The following DPYSL5 variants were observed in gnomAD, a reference collection of about 807,000 sequenced individuals.
The protein encoded by DPYSL5 is dihydropyrimidinase like 5, also known as dihydropyrimidinase-related protein 5.
In DPYSL5, 9 loss-of-function variants were observed where a neutral mutation model predicts 58.4. The observed-to-expected ratio is 0.15, with a 90% confidence interval of 0.09 to 0.27. The LOEUF is 0.27. Ranked by LOEUF, DPYSL5 falls within the 10% of genes least tolerant of loss-of-function variation. The pLI is 1.00. For missense variants in DPYSL5, 499 were observed against 770.6 expected (o/e 0.65, Z 4.17); for synonymous variants, 293 against 301.9 (o/e 0.97, Z 0.31).
intron 1 of DPYSL5, among the ~76,000 whole-genome samples, chr2:26,853,449 G>A (rs369566920): frequency 7.2e-5 from 11 of 152,274 alleles, no homozygotes; most frequent in African/African-American, 2.6e-4. Context: ...TTAGGTTACT[G>A]TTATTATCCT....
At chr2:26,866,424 A>G (rs1666141248) in intron 1 of DPYSL5, among the ~76,000 whole-genome samples, 1 of 152,066 alleles carries the variant, frequency 6.6e-6, no homozygotes, top group Non-Finnish European at 1.5e-5. Context: ...TAAAATAGCC[A>G]CCATTAGCAG....
chr2:26,927,197 G>A lies in DPYSL5; in HGVS notation c.421-56G>A. On this transcript the variant is annotated intron_variant, in intron 3 of 12. Coordinates refer to ENST00000288699, the MANE Select transcript of DPYSL5 (RefSeq NM_020134.4). The surrounding 1 kb of genome is among the most constrained non-coding windows in gnomAD (Gnocchi z 4.3). ...CCCCATGCTGGGCCGGTGCCTGCCA[G>A]TCGGCCTCTTGGGTGTCTGCCCTCA... 1 of 1,545,248 alleles carries A rather than the reference G, an allele frequency of 6.5e-7. No individual in the cohort carries two copies. The highest frequency in any genetic ancestry group is 2.3e-5 in the East Asian group (1 of 42,656).
chr2:26,940,175 A>G lies in DPYSL5; in HGVS notation c.1089+3A>G. On this transcript the variant is annotated splice_donor_region_variant and intron_variant, in intron 9 of 12. Coordinates refer to ENST00000288699, the MANE Select transcript of DPYSL5 (RefSeq NM_020134.4). The stretch of plus-strand genomic sequence containing the variant: ...GCGTCATCTGGGAGAGAGGAGTGGT[A>G]TGTTTCCTAGAGCCCCGCCCCGATC... 2 of 1,613,872 alleles carry G rather than the reference A, an allele frequency of 1.2e-6. No individual in the cohort carries two copies. The highest frequency in any genetic ancestry group is 1.7e-5 in the Admixed American group (1 of 60,008).
chr2:26,923,734 C>G (rs1291055775), intron 2 of DPYSL5, among the ~76,000 whole-genome samples: 1 of 152,154 alleles, frequency 6.6e-6, no homozygotes, highest in African/African-American at 2.4e-5. Context: ...ATTCTTGGCT[C>G]ACTGCGACCT....
intron 5 of DPYSL5, 90 bp downstream of exon 5, chr2:26,928,413 T>C (rs1027770678): frequency 7.0e-7 from 1 of 1,423,940 alleles, no homozygotes; most frequent in African/African-American, 1.4e-5. Flanking sequence ...ACATACAAAT[T>C]AGCCAGGCAC....
intron 1 of DPYSL5, among the ~76,000 whole-genome samples, chr2:26,883,793 A>G (rs942877669): frequency 7.2e-5 from 11 of 152,344 alleles, no homozygotes; most frequent in Non-Finnish European, 7.3e-5. Flanking sequence ...TTTTCAGCTT[A>G]AAAGAGAAGA....
chr2:26,913,722 C>T (rs1664495262), intron 2 of DPYSL5, among the ~76,000 whole-genome samples: 1 of 152,128 alleles, frequency 6.6e-6, no homozygotes, highest in African/African-American at 2.4e-5. Context: ...GAGCTAATGC[C>T]ACAGTGGCCT....
intron 12 of DPYSL5, among the ~76,000 whole-genome samples, chr2:26,945,338 A>G (rs181371005): frequency 1.4e-4 from 20 of 144,338 alleles, no homozygotes; most frequent in African/African-American, 5.1e-4. Flanking sequence ...TGTATTGTAT[A>G]TATTTTATTA....
intron 1 of DPYSL5, among the ~76,000 whole-genome samples, chr2:26,881,151 C>T (rs1663550155): frequency 1.3e-5 from 2 of 152,134 alleles, no homozygotes; most frequent in Non-Finnish European, 2.9e-5. Context: ...ACTGCCCTCA[C>T]CTGTGCTCAC....
Position 26,942,549 on chromosome 2 carries a change from C to T in DPYSL5, c.1239C>T (p.Ile413=), listed in dbSNP as rs1408743942. The T allele has an allele frequency of 1.2e-6, 2 of 1,614,008 alleles. No homozygotes were observed. The highest frequency in any genetic ancestry group is 2.2e-5 in the South Asian group (2 of 91,022). The change falls in exon 11 of 13, where the codon ATC becomes ATT. Residue 413 remains isoleucine, a synonymous_variant. Coordinates refer to ENST00000288699, the MANE Select transcript of DPYSL5 (RefSeq NM_020134.4). The surrounding 1 kb of genome is among the most constrained non-coding windows in gnomAD (Gnocchi z 5.9). The part of the protein sequence containing the change: ...VVWDPEATKT[I]SASTQVQGGD... Reference sequence around the variant, plus strand: ...GCCATTGCCTCCCCACCAGGACCATCTCAGCCAGCACGCAGGTCCAGGGAG... The same window carrying T: ...GCCATTGCCTCCCCACCAGGACCATTTCAGCCAGCACGCAGGTCCAGGGAG...
chr2:26,861,691 C>G (rs1041225538), intron 1 of DPYSL5, among the ~76,000 whole-genome samples: 1 of 152,142 alleles, frequency 6.6e-6, no homozygotes, highest in African/African-American at 2.4e-5. Context: ...GTTTCAATTA[C>G]TTGTGGACAT....
intron 5 of DPYSL5, among the ~76,000 whole-genome samples, chr2:26,929,913 G>A (rs1046543523): frequency 6.6e-6 from 1 of 152,210 alleles, no homozygotes; most frequent in Non-Finnish European, 1.5e-5. Flanking sequence ...ATTCTCTACT[G>A]TTTTAGAAGA....
intron 2 of DPYSL5, among the ~76,000 whole-genome samples, chr2:26,920,871 C>G (rs1209632728): frequency 6.6e-6 from 1 of 152,192 alleles, no homozygotes; most frequent in Non-Finnish European, 1.5e-5. Flanking sequence ...TGAATCAAGT[C>G]TTTTTCACTC....
chr2:26,861,392 G>A (rs1314987278), intron 1 of DPYSL5, among the ~76,000 whole-genome samples: 1 of 152,212 alleles, frequency 6.6e-6, no homozygotes, highest in Non-Finnish European at 1.5e-5. Context: ...TGTGATGTGT[G>A]TGTCTGCTCA....
At chr2:26,893,986 A>G (rs1018960099) in intron 1 of DPYSL5, among the ~76,000 whole-genome samples, 3 of 151,414 alleles carry the variant, frequency 2.0e-5, no homozygotes, top group African/African-American at 7.3e-5. Flanking sequence ...AAGGGTCAAG[A>G]GAGTTGCATA....
At chr2:26,931,195 G>GTATATATATA (rs1664972548) in intron 5 of DPYSL5, among the ~76,000 whole-genome samples, 1 of 53,972 alleles carries the variant, frequency 1.9e-5, no homozygotes, top group Non-Finnish European at 4.2e-5. Flanking sequence ...GTGTGTGTGT[G>GTATATATATA]TGTGTGTGTA....
chr2:26,931,708 G>A, intron 6 of DPYSL5, 24 bp downstream of exon 6: 1 of 1,613,452 alleles, frequency 6.2e-7, no homozygotes, highest in Non-Finnish European at 8.5e-7. Context: ...TGTCCACTGT[G>A]GGATTAGAAA....
intron 1 of DPYSL5, among the ~76,000 whole-genome samples, chr2:26,892,016 T>C (rs1663893411): frequency 6.6e-6 from 1 of 152,168 alleles, no homozygotes; most frequent in Admixed American, 6.5e-5. Flanking sequence ...TATATGTTCC[T>C]CCTCCAATTT....
intron 1 of DPYSL5, among the ~76,000 whole-genome samples, chr2:26,860,214 T>C (rs926541567): frequency 1.3e-5 from 2 of 152,204 alleles, no homozygotes; most frequent in African/African-American, 2.4e-5. Context: ...CTTTGTGACA[T>C]ATAAATGTAT....
Sources: allele counts gnomAD v4.1 joint callset (sites outside exome capture counted in the v4.1 genomes callset), GRCh38; gene constraint gnomAD v4.1.1; non-coding constraint Gnocchi (gnomAD v3.1); transcripts MANE v1.5; gene names NCBI Gene and HGNC (gene_info 2026-07-23, HGNC 2026-07-21).